The following GCH1 variants were observed in gnomAD, a reference collection of about 807,000 sequenced individuals.
The protein encoded by GCH1 is GTP cyclohydrolase I.
A neutral mutation model predicts 25.9 loss-of-function variants in GCH1; 5 were observed. That is an observed-to-expected ratio of 0.19 (90% CI 0.10 to 0.41). GCH1 has a LOEUF of 0.41. GCH1 is among the 10% of genes least tolerant of loss of function. The pLI is 1.00. For synonymous variants in GCH1, 159 were observed against 129.6 expected, an observed-to-expected ratio of 1.23 and a Z score of -1.54; for missense variants, 261 against 336.5, an observed-to-expected ratio of 0.78 and a Z score of 1.75.
intron 1 of GCH1, among the ~76,000 whole-genome samples, chr14:54,896,975 G>A (rs1378952555): frequency 1.4e-5 from 2 of 143,106 alleles, no homozygotes; most frequent in African/African-American, 2.6e-5. Flanking sequence ...TACTATATGT[G>A]ATAGACTGAT....
At chr14:54,890,495 T>C (rs2040410518) in intron 1 of GCH1, among the ~76,000 whole-genome samples, 2 of 151,900 alleles carry the variant, frequency 1.3e-5, no homozygotes, top group African/African-American at 4.8e-5. Flanking sequence ...CAAAACTCCA[T>C]CTCAAAAAAT....
rs1485867687 is a variant in GCH1, at chr14:54,867,344, C to CT, written c.344-1909dup. Among the ~76,000 whole-genome samples, 12 of 152,010 alleles carry CT rather than the reference C, an allele frequency of 7.9e-5. No homozygotes were observed. In the South Asian group the frequency reaches 2.3e-3, roughly 29 times the overall value. ...GGCTCATGCCTGTAATCCCAGCACT[C>CT]TGGGAGGCAGAGGTAGGTGGATCAC... On this transcript the variant is annotated intron_variant, in intron 1 of 5. Coordinates refer to ENST00000491895, the MANE Select transcript of GCH1 (RefSeq NM_000161.3).
intron 1 of GCH1, among the ~76,000 whole-genome samples, chr14:54,896,675 G>A (rs2040487826): frequency 6.6e-6 from 1 of 151,904 alleles, no homozygotes; most frequent in South Asian, 2.1e-4. Context: ...CACTTTGGGA[G>A]GCCGAGGCGG....
chr14:54,888,385 C>T (rs1160154203), intron 1 of GCH1, among the ~76,000 whole-genome samples: 2 of 152,168 alleles, frequency 1.3e-5, no homozygotes, highest in South Asian at 2.1e-4. Context: ...GTCCTACTGC[C>T]TCTCCCTTCA....
At chr14:54,876,631 T>C (rs1251791449) in intron 1 of GCH1, among the ~76,000 whole-genome samples, 1 of 152,112 alleles carries the variant, frequency 6.6e-6, no homozygotes, top group Non-Finnish European at 1.5e-5. Flanking sequence ...ACCACTGCAT[T>C]CCAGCCTGGG....
At chr14:54,847,000 A>C in intron 4 of GCH1, 99 bp downstream of exon 4, 1 of 530,356 alleles carries the variant, frequency 1.9e-6, no homozygotes, top group Non-Finnish European at 3.5e-6. Flanking sequence ...ACTGCACTCC[A>C]GCCTGGGTGA....
intron 3 of GCH1, among the ~76,000 whole-genome samples, chr14:54,858,210 G>T (rs118138214): frequency 0.015 from 2,306 of 152,126 alleles, 36 homozygotes; most frequent in South Asian, 0.049. Flanking sequence ...AAATCCCAGG[G>T]CCTGCATAAA....
At chr14:54,869,876 G>A (rs1185797365) in intron 1 of GCH1, among the ~76,000 whole-genome samples, 5 of 152,200 alleles carry the variant, frequency 3.3e-5, no homozygotes, top group African/African-American at 1.2e-4. Context: ...ATGAATTACT[G>A]ATACATGTAA....
intron 1 of GCH1, among the ~76,000 whole-genome samples, chr14:54,879,814 A>C (rs2040218020): frequency 6.6e-6 from 1 of 151,882 alleles, no homozygotes. Context: ...GTGAAACCCC[A>C]TCTCTACTAA....
chr14:54,886,764 C>G (rs919621716), intron 1 of GCH1, among the ~76,000 whole-genome samples: 3 of 152,134 alleles, frequency 2.0e-5, no homozygotes, highest in African/African-American at 7.2e-5. Flanking sequence ...TGACTCCAGA[C>G]CAGAGCCTTA....
In GCH1 at chr14:54,844,020, G is replaced by C; in HGVS notation, c.750C>G (p.Ser250Arg). 12 of 1,614,148 alleles carry C rather than the reference G, an allele frequency of 7.4e-6. No individual in the cohort carries two copies. Among genetic ancestry groups the C allele is most frequent in the Non-Finnish European group, 1.0e-5 (12 of 1,179,974 alleles). The change falls in exon 6 of 6, where the codon AGC becomes AGG. Residue 250 changes from serine to arginine, a missense_variant. Ser to Arg is a moderately radical substitution (Grantham distance 110). Around this residue, in one of 3 missense-constraint regions of GCH1, gnomAD observed 130 missense variants for 184.1 expected, o/e 0.71. Coordinates refer to ENST00000491895, the MANE Select transcript of GCH1 (RefSeq NM_000161.3). The stretch of plus-strand genomic sequence containing the variant: ...ACGCACACACACTGAATGAAGCTCA[G>C]CTCCTAATGAGAGTCAGGAACTCTT... ...TREEFLTLIR[S>R]
At chr14:54,883,446 G>A (rs944538133) in intron 1 of GCH1, among the ~76,000 whole-genome samples, 5 of 149,404 alleles carry the variant, frequency 3.3e-5, no homozygotes, top group East Asian at 2.0e-4. Context: ...TTGGGAGGCC[G>A]AGGCAGGTGG....
Position 54,890,494 on chromosome 14 carries a change from A to G in GCH1, c.343+11827T>C, listed in dbSNP as rs146238957. On this transcript the variant is annotated intron_variant, in intron 1 of 5. Transcript: ENST00000491895. Reference sequence around the variant, plus strand: ...GCCTGGGCAACAAGAGCAAAACTCCATCTCAAAAAATAAATAAATAACCAG... The same window carrying G: ...GCCTGGGCAACAAGAGCAAAACTCCGTCTCAAAAAATAAATAAATAACCAG... Among the ~76,000 whole-genome samples the G allele has an allele frequency of 9.4e-3, 1,437 of 152,250 alleles. 26 individuals carry two copies. The highest frequency in any genetic ancestry group is 0.032 in the African/African-American group (1,350 of 41,548).
At chr14:54,850,285 T>A (rs373461591) in intron 3 of GCH1, among the ~76,000 whole-genome samples, 2 of 151,712 alleles carry the variant, frequency 1.3e-5, no homozygotes, top group East Asian at 3.9e-4. Context: ...TTTGTCAATT[T>A]TTTTATATAT....
At position 54,902,613 on chromosome 14, in the gene GCH1, C is replaced by A; in HGVS notation, c.51G>T (p.Arg17Ser). The change falls in exon 1 of 6, where the codon AGG (arginine) becomes AGT (serine). Residue 17 changes from arginine (R) to serine (S), a missense_variant. By Grantham distance (110) the Arg-to-Ser change is moderately radical. Around this residue, in one of 3 missense-constraint regions of GCH1, gnomAD observed 125 missense variants for 128.7 expected, o/e 0.97. Coordinates refer to ENST00000491895, the MANE Select transcript of GCH1 (RefSeq NM_000161.3). ...CCCGCTCGGGGAACCCATTGCTGCA[C>A]CTGGCGCCCCGCGGCTTCTCCGCCG... is the stretch of plus-strand genomic sequence containing the variant. ...RAPAEKPRGARCSNGFPERDP... is the reference protein window; with the variant it reads ...RAPAEKPRGASCSNGFPERDP... 6.7e-7 allele frequency: 1 copy of A among 1,490,894 alleles called. No homozygotes were observed. The highest frequency in any genetic ancestry group is 8.9e-7 in the Non-Finnish European group (1 of 1,122,652). The allele number at this position is 1,490,894 out of a possible 1,614,324, so 92.4% of individuals were successfully genotyped here.
At chr14:54,882,597 C>T (rs547568477) in intron 1 of GCH1, among the ~76,000 whole-genome samples, 8 of 152,146 alleles carry the variant, frequency 5.3e-5, no homozygotes, top group African/African-American at 1.9e-4. Context: ...TTTCACAATC[C>T]AGCTGTTAAA....
Position 54,885,072 on chromosome 14 carries a change from C to A in GCH1, c.343+17249G>T. On this transcript the variant is annotated intron_variant, in intron 1 of 5. Coordinates refer to ENST00000491895, the MANE Select transcript of GCH1 (RefSeq NM_000161.3). Reference sequence around the variant, plus strand: ...CCATTGCAGACACTGAACCACCAGTCAGCTGCATTTGTTGTCATCTGTTGT... The same window carrying A: ...CCATTGCAGACACTGAACCACCAGTAAGCTGCATTTGTTGTCATCTGTTGT... 3 of 309,580 alleles carry A rather than the reference C, an allele frequency of 9.7e-6. No individual in the cohort carries two copies. The South Asian group carries it at 1.1e-4, about 12-fold the overall frequency. 19.2% of individuals were successfully genotyped at this position (309,580 alleles called of 1,614,324 possible). A position where few individuals can be genotyped will look rare whatever the true frequency, so the allele number is the denominator to read the frequency against.
intron 5 of GCH1, among the ~76,000 whole-genome samples, chr14:54,845,012 T>C (rs1399783381): frequency 6.6e-6 from 1 of 152,016 alleles, no homozygotes; most frequent in Non-Finnish European, 1.5e-5. Flanking sequence ...CCATCTCTAC[T>C]AAATACGAAA....
At chr14:54,882,968 A>G (rs2140102715) in intron 1 of GCH1, among the ~76,000 whole-genome samples, 1 of 152,306 alleles carries the variant, frequency 6.6e-6, no homozygotes, top group South Asian at 2.1e-4. Flanking sequence ...CTCATTTACT[A>G]TGTGTAGGGA....
Sources: gnomAD v4.1 joint callset for allele counts (sites outside exome capture counted in the v4.1 genomes callset) on GRCh38, gnomAD v4.1.1 for gene constraint, gnomAD v4.1.1 regional missense constraint, MANE v1.5 for transcripts, NCBI Gene and HGNC (gene_info 2026-07-23, HGNC 2026-07-21) for gene names.